SGCZ: variants seen among roughly 807,000 people sequenced by gnomAD.
SGCZ encodes the protein sarcoglycan zeta, also known as zeta-sarcoglycan.
In SGCZ, 40 loss-of-function variants were observed where a neutral mutation model predicts 41.3. That is an observed-to-expected ratio of 0.97 (90% CI 0.75 to 1.26). SGCZ has a LOEUF of 1.26. Among genes scored for constraint, SGCZ ranks in the 50% most tolerant of loss-of-function variants. SGCZ has a pLI of 0.00. For synonymous variants in SGCZ, 206 were observed against 137.5 expected (o/e 1.50, Z -3.49); for missense variants, 552 against 369.8 (o/e 1.49, Z -4.04).
intron 1 of SGCZ, among the ~76,000 whole-genome samples, chr8:14,830,746 A>G (rs371444966): frequency 7.2e-5 from 11 of 152,348 alleles, no homozygotes; most frequent in African/African-American, 2.6e-4. Flanking sequence ...AAGTCAGCCA[A>G]TAACATTTAG....
At chr8:14,338,239 G>A (rs971724165) in intron 2 of SGCZ, among the ~76,000 whole-genome samples, 2 of 152,160 alleles carry the variant, frequency 1.3e-5, no homozygotes, top group African/African-American at 2.4e-5. Flanking sequence ...AGGAGGAGCT[G>A]GGTCATGCCA....
rs531235368 is a variant in SGCZ at position 15,167,499 on chromosome 8, G to C, written c.39+70086C>G. ...TGTTTGAGGATGCAAACCCATGGTT[G>C]TGCTCAGCTTTAAAAGGTCTTAGCT... On this transcript the variant is annotated intron_variant, in intron 1 of 7. Coordinates refer to ENST00000382080, the MANE Select transcript of SGCZ (RefSeq NM_139167.4). Among the ~76,000 whole-genome samples, 5 of 152,318 alleles carry C rather than the reference G, an allele frequency of 3.3e-5. No individual in the cohort carries two copies. The South Asian group carries it at 1.0e-3, about 32-fold the overall frequency.
chr8:15,155,850 G>A (rs777039599), intron 1 of SGCZ, among the ~76,000 whole-genome samples: 2 of 152,096 alleles, frequency 1.3e-5, no homozygotes, highest in Non-Finnish European at 1.5e-5. Flanking sequence ...CTGAGCTCAG[G>A]AGCTCGAGAT....
chr8:14,659,487 T>C (rs900012321), intron 1 of SGCZ, among the ~76,000 whole-genome samples: 3 of 152,178 alleles, frequency 2.0e-5, no homozygotes, highest in Admixed American at 6.5e-5. Context: ...AAAGTATTTG[T>C]TAATAATAAA....
chr8:14,590,786 T>C (rs1380694508), intron 1 of SGCZ, among the ~76,000 whole-genome samples: 1 of 148,144 alleles, frequency 6.8e-6, no homozygotes, highest in Admixed American at 6.8e-5. Context: ...ATAGTATCTG[T>C]ACTTTATAAT....
rs115892648 is a variant in SGCZ at position 14,598,493 on chromosome 8, A to C, written c.40-43567T>G. ...GGGGTTTTATCATCTCTCTCTCTCTATATATATACACAAACACATAGTTTT... is the reference window on the plus strand; with the variant it reads ...GGGGTTTTATCATCTCTCTCTCTCTCTATATATACACAAACACATAGTTTT... On this transcript the variant is annotated intron_variant, in intron 1 of 7. Coordinates refer to ENST00000382080, the MANE Select transcript of SGCZ (RefSeq NM_139167.4). 6.4e-3 allele frequency among the ~76,000 whole-genome samples: 975 copies of C among 151,628 alleles called. 15 individuals are homozygous for C. Among genetic ancestry groups the C allele is most frequent in the African/African-American group, 0.021 (889 of 41,372 alleles).
chr8:14,797,438 G>C (rs1034830128), intron 1 of SGCZ, among the ~76,000 whole-genome samples: 1 of 152,180 alleles, frequency 6.6e-6, no homozygotes, highest in Non-Finnish European at 1.5e-5. Flanking sequence ...CCCTATCTTA[G>C]AGCTCTGTGT....
intron 1 of SGCZ, among the ~76,000 whole-genome samples, chr8:14,646,549 A>G (rs1161491402): frequency 6.6e-6 from 1 of 151,798 alleles, no homozygotes; most frequent in Non-Finnish European, 1.5e-5. Context: ...TGGTAGGACA[A>G]TTTATTTTCT....
chr8:14,444,934 A>T (rs1434062138), intron 2 of SGCZ, among the ~76,000 whole-genome samples: 1 of 152,160 alleles, frequency 6.6e-6, no homozygotes, highest in Non-Finnish European at 1.5e-5. Flanking sequence ...GCTCTGAAAA[A>T]AATTTCCTTC....
chr8:14,535,859 A>T (rs751863313), intron 2 of SGCZ, among the ~76,000 whole-genome samples: 14 of 151,898 alleles, frequency 9.2e-5, no homozygotes, highest in Non-Finnish European at 2.1e-4. Flanking sequence ...AAGTAATATT[A>T]AAAACCATGA....
At chr8:14,810,480 T>C (rs1035187947) in intron 1 of SGCZ, among the ~76,000 whole-genome samples, 2 of 152,032 alleles carry the variant, frequency 1.3e-5, no homozygotes, top group Non-Finnish European at 2.9e-5. Context: ...TATAATAATG[T>C]ATCAGGAATA....
chr8:14,399,281 A>G (rs766380412), intron 2 of SGCZ, among the ~76,000 whole-genome samples: 5 of 152,118 alleles, frequency 3.3e-5, no homozygotes, highest in South Asian at 4.1e-4. Context: ...ATCTGTGACC[A>G]TAATTGCTTA....
chr8:14,363,060 G>A (rs184063378), intron 2 of SGCZ, among the ~76,000 whole-genome samples: 2 of 152,132 alleles, frequency 1.3e-5, no homozygotes, highest in Admixed American at 1.3e-4. Flanking sequence ...CACTTTCATG[G>A]TAATAGTCTG....
intron 2 of SGCZ, among the ~76,000 whole-genome samples, chr8:14,544,449 T>C (rs1022732773): frequency 1.3e-5 from 2 of 152,106 alleles, no homozygotes; most frequent in Admixed American, 6.6e-5. Flanking sequence ...AAAACAGCCG[T>C]ATTTTCCTTC....
chr8:14,143,037 G>C (rs1038022080), intron 5 of SGCZ, among the ~76,000 whole-genome samples: 1 of 150,356 alleles, frequency 6.7e-6, no homozygotes, highest in African/African-American at 2.4e-5. Context: ...AAGCCCCTGT[G>C]TCAATAGGCT....
At chr8:14,590,057 T>C (rs558037662) in intron 1 of SGCZ, among the ~76,000 whole-genome samples, 4 of 152,308 alleles carry the variant, frequency 2.6e-5, no homozygotes, top group African/African-American at 9.6e-5. Flanking sequence ...ACTTTATGTG[T>C]GTACAGTAGT....
chr8:14,168,638 T>A (rs1397875335), intron 4 of SGCZ, among the ~76,000 whole-genome samples: 1 of 152,166 alleles, frequency 6.6e-6, no homozygotes, highest in African/African-American at 2.4e-5. Flanking sequence ...TGTGAGTCCA[T>A]AAACCGCTTT....
intron 1 of SGCZ, among the ~76,000 whole-genome samples, chr8:14,636,485 G>C (rs575316180): frequency 6.6e-6 from 1 of 151,910 alleles, no homozygotes; most frequent in Non-Finnish European, 1.5e-5. Flanking sequence ...TTGAGACAGT[G>C]TTATTAAAAG....
At chr8:14,949,028 C>G (rs1800544900) in intron 1 of SGCZ, among the ~76,000 whole-genome samples, 1 of 152,116 alleles carries the variant, frequency 6.6e-6, no homozygotes, top group Non-Finnish European at 1.5e-5. Flanking sequence ...CCCTCACATA[C>G]TGCCAAATCA....
Sources: gnomAD v4.1 joint callset for allele counts (sites outside exome capture counted in the v4.1 genomes callset) on GRCh38, gnomAD v4.1.1 for gene constraint, MANE v1.5 for transcripts, NCBI Gene and HGNC (gene_info 2026-07-23, HGNC 2026-07-21) for gene names.